The following SLC12A9 variants were observed in gnomAD, a reference collection of about 807,000 sequenced individuals.
SLC12A9 encodes solute carrier family 12 member 9.
SLC12A9 carries 55 observed loss-of-function variants against 66.0 expected under a neutral mutation model. The ratio of observed to expected loss-of-function variants is 0.83; its 90% CI spans 0.67 to 1.04. SLC12A9 has a LOEUF of 1.04. Ranked by LOEUF, SLC12A9 falls within the 50% of genes least tolerant of loss-of-function variation. SLC12A9 has a pLI of 0.00. For missense variants in SLC12A9, 1,061 were observed against 1,241.9 expected (o/e 0.85, Z 2.19); for synonymous variants, 577 against 569.0 (o/e 1.01, Z -0.20).
intron 1 of SLC12A9, among the ~76,000 whole-genome samples, chr7:100,834,707 C>A (rs1225051812): frequency 6.6e-6 from 1 of 151,966 alleles, no homozygotes; most frequent in Non-Finnish European, 1.5e-5. Flanking sequence ...CATGATGAAT[C>A]CTCATCTCTA....
At chr7:100,828,059 C>A (rs981412809) in intron 1 of SLC12A9, among the ~76,000 whole-genome samples, 18 of 152,302 alleles carry the variant, frequency 1.2e-4, no homozygotes, top group East Asian at 5.8e-4. Context: ...TTGACGGCCG[C>A]CCAGGGGGCC....
intron 1 of SLC12A9, among the ~76,000 whole-genome samples, chr7:100,838,471 C>T (rs1813713036): frequency 6.6e-6 from 1 of 152,118 alleles, no homozygotes; most frequent in African/African-American, 2.4e-5. Context: ...AGGCATGGGC[C>T]ACCATGCCTA....
At position 100,866,416 on chromosome 7, in the gene SLC12A9, G is replaced by T. The variant is rs1441667109; in HGVS notation, c.2556G>T (p.Gly852=). 1.3e-6 allele frequency: 2 copies of T among 1,543,884 alleles called. No homozygotes were observed. The highest frequency in any genetic ancestry group is 1.4e-5 in the African/African-American group (1 of 72,990). Residue 852 remains glycine (G), a synonymous_variant, in exon 14 of 14, where the codon GGG becomes GGT. Coordinates refer to ENST00000354161, the MANE Select transcript of SLC12A9 (RefSeq NM_020246.4). The surrounding 1 kb of genome is among the most constrained non-coding windows in gnomAD (Gnocchi z 7.3). The stretch of plus-strand genomic sequence containing the variant: ...AGCAGGGGCGCGGCACAGGAGGAGG[G>T]CCGGGTGGGCCGGAGGGTGGGGATG... ...RAQQGRGTGG[G]PGGPEGGDAE...
At chr7:100,849,624 A>G (rs1312004992), upstream of SLC12A9, among the ~76,000 whole-genome samples, 1 of 150,124 alleles carries the variant, frequency 6.7e-6, no homozygotes, top group Admixed American at 6.7e-5. Flanking sequence ...CTGAGGCAGG[A>G]GAATCAGTTG....
intron 1 of SLC12A9, among the ~76,000 whole-genome samples, chr7:100,839,060 A>T (rs1487848657): frequency 6.6e-6 from 1 of 152,130 alleles, no homozygotes; most frequent in African/African-American, 2.4e-5. Context: ...GCGGTGGCTC[A>T]CACCTGTAAT....
chr7:100,826,956 C>CT, exon 1 of SLC12A9: 1 of 1,444,288 alleles, frequency 6.9e-7, no homozygotes, highest in Non-Finnish European at 9.2e-7. Flanking sequence ...ACGGGGTGCG[C>CT]CCCCCCCCGC....
upstream of SLC12A9, among the ~76,000 whole-genome samples, chr7:100,851,979 C>G (rs2116568330): frequency 6.6e-6 from 1 of 152,188 alleles, no homozygotes; most frequent in Non-Finnish European, 1.5e-5. Context: ...AACTCACAGC[C>G]TTAGGAGGGA....
chr7:100,844,141 G>C (rs1813851052), intron 1 of SLC12A9, among the ~76,000 whole-genome samples: 1 of 152,096 alleles, frequency 6.6e-6, no homozygotes, highest in Non-Finnish European at 1.5e-5. Flanking sequence ...CTCAGACTGA[G>C]GACTGTTCCC....
intron 4 of SLC12A9, 104 bp from the exon 5 acceptor site, chr7:100,856,764 G>C: frequency 8.7e-7 from 1 of 1,148,830 alleles, no homozygotes; most frequent in Non-Finnish European, 1.2e-6. Context: ...CTCCCACCTC[G>C]GCCTCCCAAA....
intron 1 of SLC12A9, among the ~76,000 whole-genome samples, chr7:100,830,774 A>G (rs1407439277): frequency 1.3e-5 from 2 of 152,126 alleles, no homozygotes; most frequent in Non-Finnish European, 2.9e-5. Context: ...ACAACCTGGT[A>G]GAAAAAAAAT....
chr7:100,861,626 C>G lies in SLC12A9; in HGVS notation c.1536+42C>G, dbSNP rs1379099435. On this transcript the variant is annotated intron_variant, in intron 11 of 13. Coordinates refer to ENST00000354161, the MANE Select transcript of SLC12A9 (RefSeq NM_020246.4). This position sits in a 1 kb window ranked among gnomAD's most constrained non-coding sequence, Gnocchi z 5.3. ...GGGCGGTGGGGAAATGGGAGGTGGT[C>G]AAAGAACCCCCTCTCTCTTTGGCTG... 1.2e-6 allele frequency: 2 copies of G among 1,605,916 alleles called. No individual in the cohort carries two copies. The highest frequency in any genetic ancestry group is 1.7e-6 in the Non-Finnish European group (2 of 1,174,954).
intron 1 of SLC12A9, among the ~76,000 whole-genome samples, chr7:100,842,573 T>G (rs114623231): frequency 6.6e-6 from 1 of 152,214 alleles, no homozygotes; most frequent in East Asian, 1.9e-4. Flanking sequence ...AGAGCAAAGA[T>G]GGACTGCCCC....
chr7:100,865,810 T>C lies in SLC12A9; in HGVS notation c.1950T>C (p.Pro650=). Reference sequence around the variant, plus strand: ...TGACGGACCCGGCTTTCTCTGAGCCTGCAGACAGCACCAGGGAGGGCAGTT... The same window carrying C: ...TGACGGACCCGGCTTTCTCTGAGCCCGCAGACAGCACCAGGGAGGGCAGTT... ...HFLTDPAFSE[P]ADSTREGSSP... is the part of the protein sequence containing the mutation. The change falls in exon 14 of 14, where the codon CCT becomes CCC. Residue 650 remains proline (P), a synonymous_variant. Coordinates refer to ENST00000354161, the MANE Select transcript of SLC12A9 (RefSeq NM_020246.4). The C allele has an allele frequency of 6.2e-7, 1 of 1,613,996 alleles. No homozygotes were observed. Among genetic ancestry groups the C allele is most frequent in the Admixed American group, 1.7e-5 (1 of 60,032 alleles).
At chr7:100,848,743 G>C (rs12669944), upstream of SLC12A9, among the ~76,000 whole-genome samples, 2 of 151,244 alleles carry the variant, frequency 1.3e-5, no homozygotes, top group Non-Finnish European at 2.9e-5. Flanking sequence ...AAAATTAGCC[G>C]TGCGTGGTGG....
chr7:100,856,824 G>A, intron 4 of SLC12A9, 44 bp from the exon 5 acceptor site: 2 of 1,518,524 alleles, frequency 1.3e-6, no homozygotes, highest in Non-Finnish European at 8.8e-7. Context: ...CTGGTGGGGT[G>A]CCTTAGGATC....
chr7:100,865,455 T>C, intron 13 of SLC12A9: 1 of 1,535,588 alleles, frequency 6.5e-7, no homozygotes, highest in African/African-American at 1.4e-5. Flanking sequence ...TGCTCATTAG[T>C]GGCAAGAATC....
Position 100,865,920 on chromosome 7 carries a change from T to C in SLC12A9, c.2060T>C (p.Val687Ala), listed in dbSNP as rs2115584741. The C allele has an allele frequency of 6.2e-7, 1 of 1,613,290 alleles. No individual in the cohort carries two copies. Among genetic ancestry groups the C allele is most frequent in the Non-Finnish European group, 8.5e-7 (1 of 1,179,954 alleles). ...ALNPQDYVAT[V>A]ADALKMNKNV... ...AATCCCCAGGACTATGTGGCCACGG[T>C]GGCCGACGCCCTCAAGATGAACAAG... is the stretch of plus-strand genomic sequence containing the variant. The change falls in exon 14 of 14, where the codon GTG (valine) becomes GCG (alanine). Residue 687 changes from valine to alanine, a missense_variant. Transcript: ENST00000354161.
chr7:100,860,609 G>A, intron 9 of SLC12A9: 1 of 364,244 alleles, frequency 2.7e-6, no homozygotes, highest in South Asian at 2.4e-5. Flanking sequence ...CTTTGTGGGG[G>A]TTCACTGATA....
At chr7:100,839,473 C>T (rs1813736007) in intron 1 of SLC12A9, among the ~76,000 whole-genome samples, 1 of 152,186 alleles carries the variant, frequency 6.6e-6, no homozygotes, top group East Asian at 1.9e-4. Context: ...TTTCTTGGTT[C>T]CCTGATGGGG....
Sources: gnomAD v4.1 joint callset for allele counts (sites outside exome capture counted in the v4.1 genomes callset) on GRCh38, gnomAD v4.1.1 for gene constraint, Gnocchi (gnomAD v3.1) non-coding constraint, MANE v1.5 for transcripts, NCBI Gene and HGNC (gene_info 2026-07-23, HGNC 2026-07-21) for gene names.